The following PCSK5 variants were observed in gnomAD, a reference collection of about 807,000 sequenced individuals.
PCSK5 encodes proprotein convertase subtilisin/kexin type 5.
Under a neutral mutation model 233.2 loss-of-function variants are expected in PCSK5, and 129 were observed. That is an observed-to-expected ratio of 0.55 (90% CI 0.48 to 0.64). PCSK5 has a LOEUF of 0.64. Ranked by LOEUF, PCSK5 falls within the 30% of genes least tolerant of loss-of-function variation. PCSK5 has a pLI of 0.00. For synonymous variants in PCSK5, 825 were observed against 879.2 expected, an observed-to-expected ratio of 0.94 and a Z score of 1.09; for missense variants, 2,076 against 2,430.1, an observed-to-expected ratio of 0.85 and a Z score of 3.06.
At chr9:76,205,067 A>G in intron 20 of PCSK5, 4 of 516,630 alleles carry the variant, frequency 7.7e-6, no homozygotes, top group Non-Finnish European at 1.5e-5. Context: ...AAGCTGAAAA[A>G]TTGTCTTTCC....
chr9:76,153,502 C>G (rs1587692992), intron 10 of PCSK5, among the ~76,000 whole-genome samples: 1 of 152,090 alleles, frequency 6.6e-6, no homozygotes, highest in Non-Finnish European at 1.5e-5. Flanking sequence ...TCCACTTGAT[C>G]GTCATAAAAT....
chr9:75,942,748 A>G (rs903251548), intron 2 of PCSK5, among the ~76,000 whole-genome samples: 3 of 152,172 alleles, frequency 2.0e-5, no homozygotes, highest in Non-Finnish European at 4.4e-5. Context: ...AGTGACGGCC[A>G]TAAAAATAGG....
At chr9:76,112,502 A>C (rs1353710065) in intron 9 of PCSK5, among the ~76,000 whole-genome samples, 1 of 152,186 alleles carries the variant, frequency 6.6e-6, no homozygotes, top group African/African-American at 2.4e-5. Context: ...ATACACAGAC[A>C]TATACACATT....
At chr9:76,007,482 T>C (rs868833700) in intron 3 of PCSK5, among the ~76,000 whole-genome samples, 2 of 145,512 alleles carry the variant, frequency 1.4e-5, no homozygotes, top group Admixed American at 6.8e-5. Flanking sequence ...GAATGACTTA[T>C]TAAGTCTCCT....
At chr9:76,176,375 A>G (rs908350231) in intron 14 of PCSK5, among the ~76,000 whole-genome samples, 2 of 152,142 alleles carry the variant, frequency 1.3e-5, no homozygotes, top group Non-Finnish European at 2.9e-5. Context: ...TAATTCTCAA[A>G]CCAATACCAC....
chr9:76,044,662 TC>T (rs1829302983), intron 5 of PCSK5, among the ~76,000 whole-genome samples: 1 of 152,218 alleles, frequency 6.6e-6, no homozygotes, highest in African/African-American at 2.4e-5. Context: ...GAGATTTTGG[TC>T]ATCAGGAAAG....
At chr9:75,993,189 G>C (rs1587470386) in intron 3 of PCSK5, among the ~76,000 whole-genome samples, 2 of 152,004 alleles carry the variant, frequency 1.3e-5, no homozygotes, top group African/African-American at 4.8e-5. Flanking sequence ...ATGCAACATG[G>C]TAGAAATCTG....
At chr9:76,161,535 ATGTGTGGATCG>A (rs1822857458) in intron 12 of PCSK5, among the ~76,000 whole-genome samples, 1 of 151,492 alleles carries the variant, frequency 6.6e-6, no homozygotes, top group African/African-American at 2.4e-5. Flanking sequence ...TTTGCTTCAC[ATGTGTGGATCG>A]TGTTCCCCCG....
chr9:76,040,339 C>G (rs369221033), intron 5 of PCSK5, among the ~76,000 whole-genome samples: 454 of 39,154 alleles, frequency 0.012, 1 homozygote, highest in Admixed American at 0.023. Flanking sequence ...CTCTCTCTCT[C>G]TCTCTCTCTC....
At chr9:76,088,746 A>G in intron 7 of PCSK5, among the ~76,000 whole-genome samples, 1 of 152,190 alleles carries the variant, frequency 6.6e-6, no homozygotes, top group Admixed American at 6.5e-5. Flanking sequence ...CCACGACTAC[A>G]TTATCTCTGT....
At chr9:76,345,992 T>C (rs1372734475) in intron 35 of PCSK5, among the ~76,000 whole-genome samples, 1 of 152,100 alleles carries the variant, frequency 6.6e-6, no homozygotes, top group East Asian at 1.9e-4. Flanking sequence ...AGTGCTGGGA[T>C]TACAGGCGTG....
chr9:76,222,973 T>C (rs1015406550), intron 20 of PCSK5, among the ~76,000 whole-genome samples: 1 of 152,210 alleles, frequency 6.6e-6, no homozygotes, highest in African/African-American at 2.4e-5. Flanking sequence ...CTTGTGATAG[T>C]AGAATCACTC....
rs138537640 is a variant in PCSK5 at position 76,038,341 on chromosome 9, A to G, written c.632+11304A>G. 4.1e-4 allele frequency among the ~76,000 whole-genome samples: 63 copies of G among 152,322 alleles called. No individual in the cohort carries two copies. The East Asian group carries it at 0.012, about 29-fold the overall frequency. Reference sequence around the variant, plus strand: ...GAGAAAGAGGGACACGTTTGTCTCTAGCAGTTGCCTCGGTCTTGGGACCCG... The same window carrying G: ...GAGAAAGAGGGACACGTTTGTCTCTGGCAGTTGCCTCGGTCTTGGGACCCG... On this transcript the variant is annotated intron_variant, in intron 5 of 37. Transcript: ENST00000674117.
At chr9:76,086,845 A>G (rs757214816) in intron 7 of PCSK5, among the ~76,000 whole-genome samples, 6 of 152,172 alleles carry the variant, frequency 3.9e-5, no homozygotes, top group Admixed American at 1.3e-4. Context: ...TGAAGCTTTT[A>G]TGTGTCCAAC....
intron 22 of PCSK5, among the ~76,000 whole-genome samples, chr9:76,237,643 G>A (rs1826292570): frequency 6.6e-6 from 1 of 151,888 alleles, no homozygotes; most frequent in Non-Finnish European, 1.5e-5. Context: ...GGGCATGGTG[G>A]CACGCACCTG....
chr9:76,284,935 A>T lies in PCSK5; in HGVS notation c.3143-7298A>T, dbSNP rs149778089. On this transcript the variant is annotated intron_variant, in intron 24 of 37. Transcript: ENST00000674117. ...ACTAGTACATAATAAATAATAATGA[A>T]TAATAATTTATACACACACATATAT... is the stretch of plus-strand genomic sequence containing the variant. Among the ~76,000 whole-genome samples the T allele has an allele frequency of 5.4e-3, 824 of 152,342 alleles. 6 individuals are homozygous for T. Among genetic ancestry groups the T allele is most frequent in the Middle Eastern group, 0.017 (5 of 294 alleles).
chr9:76,048,376 TAGA>T (rs1829498654), intron 5 of PCSK5, among the ~76,000 whole-genome samples: 1 of 152,178 alleles, frequency 6.6e-6, no homozygotes, highest in African/African-American at 2.4e-5. Flanking sequence ...GGTATCCTGT[TAGA>T]AGGAGCCTGT....
At chr9:75,956,530 A>G (rs1226762992) in intron 2 of PCSK5, among the ~76,000 whole-genome samples, 1 of 152,238 alleles carries the variant, frequency 6.6e-6, no homozygotes, top group East Asian at 1.9e-4. Flanking sequence ...ATTTGAAAAT[A>G]TATTCATATC....
At chr9:76,327,660 C>T (rs933067066) in intron 32 of PCSK5, among the ~76,000 whole-genome samples, 5 of 152,124 alleles carry the variant, frequency 3.3e-5, no homozygotes, top group African/African-American at 1.2e-4. Flanking sequence ...GGTGTTGTGA[C>T]GGTGGAAAAT....
Sources: allele counts gnomAD v4.1 joint callset (sites outside exome capture counted in the v4.1 genomes callset), GRCh38; gene constraint gnomAD v4.1.1; transcripts MANE v1.5; gene names NCBI Gene and HGNC (gene_info 2026-07-23, HGNC 2026-07-21).